TENM4: variants seen among roughly 807,000 people sequenced by gnomAD.
TENM4 encodes teneurin-4.
In TENM4, 82 loss-of-function variants were observed where a neutral mutation model predicts 243.3. The ratio of observed to expected loss-of-function variants is 0.34; its 90% CI spans 0.28 to 0.40. The LOEUF (loss-of-function observed/expected upper bound fraction) is 0.40, where lower values mean the gene tolerates loss of function less well. TENM4 is among the 10% of genes least tolerant of loss of function. The probability of loss-of-function intolerance (pLI) is 1.00; values close to 1 mark genes in which losing one functional copy is unlikely to be tolerated. For missense variants in TENM4, 3,138 were observed against 3,673.3 expected (o/e 0.85, Z 3.77); for synonymous variants, 1,412 against 1,456.3 (o/e 0.97, Z 0.69).
chr11:78,730,818 C>T (rs528763817), intron 21 of TENM4, among the ~76,000 whole-genome samples: 1 of 152,294 alleles, frequency 6.6e-6, no homozygotes, highest in Admixed American at 6.5e-5. Context: ...ACCCCATTCT[C>T]CTGAACACAG....
chr11:79,095,420 A>T (rs566583422), intron 4 of TENM4, among the ~76,000 whole-genome samples: 3 of 152,228 alleles, frequency 2.0e-5, no homozygotes, highest in South Asian at 4.1e-4. Flanking sequence ...CTTACAAGCC[A>T]TATCATTAAT....
intron 10 of TENM4, among the ~76,000 whole-genome samples, chr11:78,858,197 T>C (rs1858724398): frequency 6.6e-6 from 1 of 152,212 alleles, no homozygotes; most frequent in South Asian, 2.1e-4. Context: ...AGACAGTGAC[T>C]GTATCAGCTA....
intron 12 of TENM4, among the ~76,000 whole-genome samples, chr11:78,825,127 A>G (rs547961): frequency 0.41 from 62,171 of 152,070 alleles, 13,273 homozygotes; most frequent in Middle Eastern, 0.54. Flanking sequence ...TCCAAAGCAT[A>G]GTCCTTATTC....
chr11:78,733,712 C>T (rs749436819), intron 20 of TENM4, among the ~76,000 whole-genome samples: 1 of 152,196 alleles, frequency 6.6e-6, no homozygotes, highest in Admixed American at 6.5e-5. Context: ...CCCAGCCCCA[C>T]ATGGAACCTG....
intron 2 of TENM4, among the ~76,000 whole-genome samples, chr11:79,286,368 T>C (rs1453678530): frequency 6.6e-6 from 1 of 151,918 alleles, no homozygotes; most frequent in African/African-American, 2.4e-5. Context: ...TAAGTAGAAA[T>C]AGGATGGGCA....
intron 1 of TENM4, among the ~76,000 whole-genome samples, chr11:79,357,479 C>T (rs190913483): frequency 6.6e-6 from 1 of 152,288 alleles, no homozygotes; most frequent in Non-Finnish European, 1.5e-5. Flanking sequence ...GGGGTGTTGT[C>T]CACTCCCACC....
intron 2 of TENM4, among the ~76,000 whole-genome samples, chr11:79,270,051 C>T (rs1056516685): frequency 3.9e-5 from 6 of 152,238 alleles, no homozygotes; most frequent in African/African-American, 1.4e-4. Flanking sequence ...CCCCACTCCA[C>T]CAAGACTCCT....
At chr11:78,961,252 A>G (rs552975550) in intron 6 of TENM4, among the ~76,000 whole-genome samples, 2 of 152,326 alleles carry the variant, frequency 1.3e-5, no homozygotes, top group South Asian at 4.1e-4. Flanking sequence ...TTCTCCAAAC[A>G]TCAGGAAATC....
intron 9 of TENM4, among the ~76,000 whole-genome samples, chr11:78,864,871 T>C (rs1377179679): frequency 1.3e-5 from 2 of 152,096 alleles, no homozygotes; most frequent in Non-Finnish European, 2.9e-5. Flanking sequence ...CACAGCCAAG[T>C]AGGGAAGACA....
At chr11:78,789,418 T>G (rs1415622336) in intron 15 of TENM4, among the ~76,000 whole-genome samples, 1 of 152,162 alleles carries the variant, frequency 6.6e-6, no homozygotes, top group Non-Finnish European at 1.5e-5. Context: ...AGATAAAGAA[T>G]GACAATCTCC....
intron 15 of TENM4, among the ~76,000 whole-genome samples, chr11:78,792,222 A>G (rs1353084289): frequency 1.3e-5 from 2 of 152,212 alleles, no homozygotes; most frequent in Non-Finnish European, 2.9e-5. Context: ...GTGTTCCTGA[A>G]GAATGAAATA....
At position 79,227,933 on chromosome 11, in the gene TENM4, C is replaced by A. The variant is rs1409393815; in HGVS notation, c.-264-12024G>T. The stretch of plus-strand genomic sequence containing the variant: ...TTAGTCATGTCTGTGTAGCTACCTG[C>A]AACTGTAGAGGGTAGCATTGTCCTT... On this transcript the variant is annotated intron_variant, in intron 2 of 33. Transcript: ENST00000278550. Among the ~76,000 whole-genome samples, 4 of 152,146 alleles carry A rather than the reference C, an allele frequency of 2.6e-5. No individual in the cohort carries two copies. In the East Asian group the frequency reaches 7.7e-4, roughly 29 times the overall value.
intron 2 of TENM4, among the ~76,000 whole-genome samples, chr11:79,234,563 G>T (rs912137258): frequency 3.3e-5 from 5 of 152,184 alleles, no homozygotes; most frequent in Non-Finnish European, 7.3e-5. Flanking sequence ...ATGGTGGGTG[G>T]AGGGTGAGGG....
intron 2 of TENM4, among the ~76,000 whole-genome samples, chr11:79,277,213 A>T (rs995732749): frequency 2.0e-5 from 3 of 152,182 alleles, no homozygotes; most frequent in Non-Finnish European, 2.9e-5. Flanking sequence ...TGATTCTGCA[A>T]ACAGGGAGTT....
chr11:79,402,066 A>G, intron 1 of TENM4: 2 of 454,208 alleles, frequency 4.4e-6, no homozygotes, highest in African/African-American at 2.0e-5. Context: ...TTCATGTGCA[A>G]GTCATTTACC....
At chr11:79,243,795 C>A (rs559212559) in intron 2 of TENM4, among the ~76,000 whole-genome samples, 1 of 152,202 alleles carries the variant, frequency 6.6e-6, no homozygotes, top group African/African-American at 2.4e-5. Flanking sequence ...TCAGATAAGT[C>A]ATGTGCCAGC....
At chr11:79,247,109 A>AACACTT (rs1555035026) in intron 2 of TENM4, among the ~76,000 whole-genome samples, 1 of 151,764 alleles carries the variant, frequency 6.6e-6, no homozygotes, top group Non-Finnish European at 1.5e-5. Context: ...GGACAGATGG[A>AACACTT]ATTCAGTGTA....
chr11:78,986,383 C>A (rs952606487), intron 6 of TENM4, among the ~76,000 whole-genome samples: 1 of 152,146 alleles, frequency 6.6e-6, no homozygotes, highest in African/African-American at 2.4e-5. Flanking sequence ...TCAGTACAAT[C>A]CTCCCCGCTT....
intron 6 of TENM4, among the ~76,000 whole-genome samples, chr11:78,946,642 T>C (rs1247581027): frequency 3.3e-5 from 5 of 152,192 alleles, no homozygotes; most frequent in Non-Finnish European, 7.3e-5. Flanking sequence ...GCAAAGCAAA[T>C]TGAAAACTTT....
Sources: allele counts gnomAD v4.1 joint callset (sites outside exome capture counted in the v4.1 genomes callset), GRCh38; gene constraint gnomAD v4.1.1; transcripts MANE v1.5; gene names NCBI Gene and HGNC (gene_info 2026-07-23, HGNC 2026-07-21).